The following VEGFC variants were observed in gnomAD, a reference collection of about 807,000 sequenced individuals.
VEGFC encodes the protein FLT4 ligand DHM.
A neutral mutation model predicts 46.1 loss-of-function variants in VEGFC; 12 were observed. That is an observed-to-expected ratio of 0.26 (90% CI 0.17 to 0.42). The LOEUF (loss-of-function observed/expected upper bound fraction) is 0.42. Among genes scored for constraint, VEGFC ranks in the 10% least tolerant of loss-of-function variants. The pLI, the probability that VEGFC is intolerant of heterozygous loss-of-function variation, is 1.00. For missense variants in VEGFC, 488 were observed against 529.4 expected (o/e 0.92, Z 0.77); for synonymous variants, 232 against 195.5 (o/e 1.19, Z -1.56).
intron 1 of VEGFC, among the ~76,000 whole-genome samples, chr4:176,790,849 A>G (rs1228658227): frequency 6.6e-6 from 1 of 152,236 alleles, no homozygotes; most frequent in Non-Finnish European, 1.5e-5. Flanking sequence ...TTTCATCACT[A>G]TAGTTACGGC....
intron 1 of VEGFC, among the ~76,000 whole-genome samples, chr4:176,765,814 A>G (rs1369150885): frequency 6.6e-6 from 1 of 152,088 alleles, no homozygotes; most frequent in East Asian, 1.9e-4. Context: ...TGGCCTCCCA[A>G]AGTGCTGGGA....
chr4:176,684,147 C>T (rs1733995012), intron 6 of VEGFC, 107 bp from the exon 7 acceptor site: 1 of 829,986 alleles, frequency 1.2e-6, no homozygotes, highest in Non-Finnish European at 1.9e-6. Flanking sequence ...AATAAAATTA[C>T]TAATTTTATG....
chr4:176,735,130 C>A (rs190241299), intron 1 of VEGFC, among the ~76,000 whole-genome samples: 15 of 151,980 alleles, frequency 9.9e-5, no homozygotes, highest in Admixed American at 2.6e-4. Flanking sequence ...CTCCTTCCTA[C>A]ATCACTTTCT....
rs910165889 is a variant in VEGFC at position 176,687,940 on chromosome 4, C to T, written c.705-13G>A. ...CGCTGCCTGACACCTTTGGAAGAAA[C>T]AGACGAGGTTTAGCAATGGTGTAAC... On this transcript the variant is annotated splice_polypyrimidine_tract_variant and intron_variant, in intron 4 of 6. Transcript: ENST00000618562. The T allele has an allele frequency of 6.4e-7, 1 of 1,570,490 alleles. No individual in the cohort carries two copies. Among genetic ancestry groups the T allele is most frequent in the Non-Finnish European group, 8.7e-7 (1 of 1,143,888 alleles).
intron 1 of VEGFC, among the ~76,000 whole-genome samples, chr4:176,765,991 C>A (rs1404678528): frequency 6.6e-6 from 1 of 151,868 alleles, no homozygotes; most frequent in African/African-American, 2.4e-5. Context: ...TAAATGCCAA[C>A]CTAGAATACT....
rs1045812525 is a variant in VEGFC at position 176,704,234 on chromosome 4, T to G, written c.704+7265A>C. 2.0e-5 allele frequency among the ~76,000 whole-genome samples: 3 copies of G among 152,166 alleles called. 1 individual carries two copies. Among genetic ancestry groups the G allele is most frequent in the East Asian group, 3.9e-4 (2 of 5,180 alleles). On this transcript the variant is annotated intron_variant, in intron 4 of 6. Transcript: ENST00000618562. ...CAGATTATTGTGTCTGCTCTACAGA[T>G]AACTGTTTCTTAAATATTGATTTCC...
At chr4:176,749,746 T>C (rs749850832) in intron 1 of VEGFC, among the ~76,000 whole-genome samples, 9 of 151,940 alleles carry the variant, frequency 5.9e-5, no homozygotes, top group East Asian at 1.9e-4. Flanking sequence ...AAAACTGAAA[T>C]TGAGATAGTA....
chr4:176,740,368 C>A (rs1735146443), intron 1 of VEGFC, among the ~76,000 whole-genome samples: 1 of 113,012 alleles, frequency 8.8e-6, no homozygotes, highest in African/African-American at 3.7e-5. Flanking sequence ...TATATATATT[C>A]TATATATAGT....
intron 1 of VEGFC, among the ~76,000 whole-genome samples, chr4:176,791,767 T>A (rs1427512366): frequency 6.6e-6 from 1 of 152,158 alleles, no homozygotes; most frequent in East Asian, 1.9e-4. Flanking sequence ...ATCACCAGTG[T>A]CCCAGAATCT....
chr4:176,713,110 T>C (rs187643798), intron 3 of VEGFC, among the ~76,000 whole-genome samples: 1 of 152,340 alleles, frequency 6.6e-6, no homozygotes, highest in African/African-American at 2.4e-5. Flanking sequence ...TTATTTGCTA[T>C]ACAGATCTAA....
intron 1 of VEGFC, among the ~76,000 whole-genome samples, chr4:176,784,032 G>A (rs1735956793): frequency 6.7e-6 from 1 of 149,098 alleles, no homozygotes; most frequent in African/African-American, 2.5e-5. Flanking sequence ...GCCAATCATG[G>A]TTCCAAGGGC....
intron 1 of VEGFC, among the ~76,000 whole-genome samples, chr4:176,774,812 T>TA (rs34750548): frequency 7.6e-4 from 4 of 5,280 alleles, no homozygotes; most frequent in African/African-American, 9.2e-4. Flanking sequence ...AGTATAATAA[T>TA]AAAAAAAAAA....
chr4:176,693,094 T>C (rs887366354), intron 4 of VEGFC, among the ~76,000 whole-genome samples: 4 of 152,072 alleles, frequency 2.6e-5, no homozygotes, highest in Admixed American at 6.5e-5. Flanking sequence ...AGAAACACAG[T>C]TCCTTACCAG....
At chr4:176,713,350 A>C (rs1412653958) in intron 3 of VEGFC, among the ~76,000 whole-genome samples, 1 of 152,190 alleles carries the variant, frequency 6.6e-6, no homozygotes, top group Non-Finnish European at 1.5e-5. Context: ...TTAAGAGAGA[A>C]TTCTGCAGTG....
chr4:176,786,122 G>A (rs184508705), intron 1 of VEGFC, among the ~76,000 whole-genome samples: 8 of 151,882 alleles, frequency 5.3e-5, no homozygotes, highest in African/African-American at 1.7e-4. Context: ...AATGGCTTCT[G>A]AGAAGCTTCT....
intron 3 of VEGFC, among the ~76,000 whole-genome samples, chr4:176,726,592 T>C (rs1199379010): frequency 1.3e-5 from 2 of 152,134 alleles, no homozygotes; most frequent in Admixed American, 1.3e-4. Flanking sequence ...ATTTGGGTTG[T>C]ATAATAAGAC....
intron 3 of VEGFC, among the ~76,000 whole-genome samples, chr4:176,714,548 T>C (rs1223864072): frequency 1.3e-5 from 2 of 152,178 alleles, no homozygotes; most frequent in African/African-American, 4.8e-5. Flanking sequence ...TTGTCTCCAG[T>C]GAAACCAGGC....
intron 3 of VEGFC, among the ~76,000 whole-genome samples, chr4:176,715,497 C>T (rs577513000): frequency 1.3e-5 from 2 of 152,102 alleles, no homozygotes; most frequent in South Asian, 4.1e-4. Context: ...TATAATTGTA[C>T]CTATACCAGC....
chr4:176,698,481 T>C (rs555180330), intron 4 of VEGFC, among the ~76,000 whole-genome samples: 1 of 152,262 alleles, frequency 6.6e-6, no homozygotes, highest in Admixed American at 6.6e-5. Flanking sequence ...ATAAATATTG[T>C]ACATATATAA....
Sources: allele counts gnomAD v4.1 joint callset (sites outside exome capture counted in the v4.1 genomes callset), GRCh38; gene constraint gnomAD v4.1.1; transcripts MANE v1.5; gene names NCBI Gene and HGNC (gene_info 2026-07-23, HGNC 2026-07-21).